The following SLC35F4 variants were observed in gnomAD, a reference collection of about 807,000 sequenced individuals.
SLC35F4 encodes chromosome 14 open reading frame 36.
SLC35F4 carries 24 observed loss-of-function variants against 44.2 expected under a neutral mutation model. That is an observed-to-expected ratio of 0.54 (90% CI 0.39 to 0.76). SLC35F4 has a LOEUF of 0.76. Ranked by LOEUF, SLC35F4 falls within the 30% of genes least tolerant of loss-of-function variation. The probability of loss-of-function intolerance (pLI) is 0.00; values close to 1 mark genes in which losing one functional copy is unlikely to be tolerated. For synonymous variants in SLC35F4, 238 were observed against 223.6 expected (o/e 1.06, Z -0.57); for missense variants, 562 against 586.1 (o/e 0.96, Z 0.42).
At chr14:57,804,118 G>C (rs1419540093) in intron 1 of SLC35F4, among the ~76,000 whole-genome samples, 1 of 152,148 alleles carries the variant, frequency 6.6e-6, no homozygotes, top group African/African-American at 2.4e-5. Flanking sequence ...AGAAATCAGA[G>C]AGGACACAAA....
rs543412941 is a variant in SLC35F4 at position 57,664,192 on chromosome 14, A to G, written c.104-70068T>C. 3.9e-5 allele frequency among the ~76,000 whole-genome samples: 6 copies of G among 152,306 alleles called. No individual in the cohort carries two copies. In the South Asian group the frequency reaches 1.2e-3, roughly 32 times the overall value. Reference sequence around the variant, plus strand: ...CCAGAGACAGATGTGCAGAGAACACACATCTAGGTCAGTCTGATGTTCAGC... The same window carrying G: ...CCAGAGACAGATGTGCAGAGAACACGCATCTAGGTCAGTCTGATGTTCAGC... On this transcript the variant is annotated intron_variant, in intron 1 of 7. Transcript: ENST00000556826.
intron 1 of SLC35F4, among the ~76,000 whole-genome samples, chr14:57,831,234 C>T (rs144432907): frequency 6.6e-6 from 1 of 152,172 alleles, no homozygotes; most frequent in South Asian, 2.1e-4. Context: ...ATATCTTTCT[C>T]TCCCTGCCAT....
At chr14:57,908,892 T>C (rs1047448333) in intron 1 of SLC35F4, among the ~76,000 whole-genome samples, 3 of 152,216 alleles carry the variant, frequency 2.0e-5, no homozygotes, top group African/African-American at 7.2e-5. Context: ...GCCTGGATTT[T>C]CTTCTAGGAT....
At chr14:57,889,574 A>T (rs1341203251) in intron 1 of SLC35F4, among the ~76,000 whole-genome samples, 4 of 152,238 alleles carry the variant, frequency 2.6e-5, no homozygotes, top group Non-Finnish European at 5.9e-5. Flanking sequence ...CCTTAGGTTT[A>T]TCCAGTGTAG....
intron 1 of SLC35F4, among the ~76,000 whole-genome samples, chr14:57,732,393 G>GA (rs200302602): frequency 0.013 from 2,030 of 152,156 alleles, 25 homozygotes; most frequent in South Asian, 0.058. Context: ...ATGCAAACTA[G>GA]AAAAAAATGC....
chr14:57,774,909 A>T (rs942268064), intron 1 of SLC35F4, among the ~76,000 whole-genome samples: 3 of 151,996 alleles, frequency 2.0e-5, no homozygotes, highest in African/African-American at 7.3e-5. Flanking sequence ...ACGACAAGCC[A>T]CTGCTGCCAG....
chr14:57,584,426 G>C (rs1324024527), intron 3 of SLC35F4, among the ~76,000 whole-genome samples: 1 of 152,182 alleles, frequency 6.6e-6, no homozygotes, highest in African/African-American at 2.4e-5. Flanking sequence ...TCAGTCATGA[G>C]AGCTTCGGGA....
At chr14:57,958,957 T>TCC (rs1366587922) in intron 1 of SLC35F4, among the ~76,000 whole-genome samples, 3 of 152,096 alleles carry the variant, frequency 2.0e-5, no homozygotes, top group African/African-American at 7.2e-5. Flanking sequence ...TGGTGCCAGT[T>TCC]TTAGAACATT....
At chr14:57,972,927 G>A (rs1213669362), downstream of SLC35F4, among the ~76,000 whole-genome samples, 1 of 152,232 alleles carries the variant, frequency 6.6e-6, no homozygotes, top group East Asian at 1.9e-4. Context: ...AAGGCTCACT[G>A]TGAGTTCCTT....
intron 1 of SLC35F4, among the ~76,000 whole-genome samples, chr14:57,620,784 C>A (rs1323048693): frequency 3.9e-5 from 6 of 152,156 alleles, no homozygotes; most frequent in Non-Finnish European, 2.9e-5. Flanking sequence ...TCTCACCACT[C>A]CTATTCAACA....
At chr14:57,887,023 C>T (rs1044563171) in intron 1 of SLC35F4, among the ~76,000 whole-genome samples, 3 of 152,152 alleles carry the variant, frequency 2.0e-5, no homozygotes, top group African/African-American at 7.2e-5. Context: ...TTATACTTTC[C>T]CTCCACTTCC....
chr14:57,589,204 C>T lies in SLC35F4; in HGVS notation c.587+12G>A. ...CAATGATCTCTTATTGGGCAGTTAA[C>T]ATGAAACCTACCTGAATTTTTTCAT... On this transcript the variant is annotated intron_variant, in intron 3 of 7. Coordinates refer to ENST00000556826, the MANE Select transcript of SLC35F4 (RefSeq NM_001306087.2). 1 of 1,593,642 alleles carries T rather than the reference C, an allele frequency of 6.3e-7. No individual in the cohort carries two copies. Among genetic ancestry groups the T allele is most frequent in the East Asian group, 2.2e-5 (1 of 44,690 alleles).
intron 1 of SLC35F4, among the ~76,000 whole-genome samples, chr14:57,934,467 T>C (rs1483356161): frequency 6.6e-6 from 1 of 151,740 alleles, no homozygotes; most frequent in Non-Finnish European, 1.5e-5. Flanking sequence ...AGTCAGCCCA[T>C]AGTCAGTAAA....
chr14:57,641,002 T>C (rs1240718292), intron 1 of SLC35F4, among the ~76,000 whole-genome samples: 1 of 151,966 alleles, frequency 6.6e-6, no homozygotes, highest in East Asian at 1.9e-4. Context: ...ATATAATGGT[T>C]TTCTGGTCTT....
intron 1 of SLC35F4, among the ~76,000 whole-genome samples, chr14:57,713,522 A>G (rs1256852591): frequency 6.6e-6 from 1 of 152,168 alleles, no homozygotes; most frequent in African/African-American, 2.4e-5. Context: ...TTCTCTCTAC[A>G]GAGAAATTTT....
At chr14:57,739,909 G>C (rs1013820505) in intron 1 of SLC35F4, among the ~76,000 whole-genome samples, 10 of 152,204 alleles carry the variant, frequency 6.6e-5, no homozygotes, top group Non-Finnish European at 1.5e-5. Flanking sequence ...GCCCAGGCTG[G>C]AGTGCAGTAG....
At chr14:57,573,093 CAT>C (rs1390374723) in intron 4 of SLC35F4, among the ~76,000 whole-genome samples, 1 of 139,522 alleles carries the variant, frequency 7.2e-6, no homozygotes, top group Non-Finnish European at 1.6e-5. Flanking sequence ...AGCTTTTTAA[CAT>C]ATGTGATTTT....
At chr14:57,652,518 T>C (rs62003995) in intron 1 of SLC35F4, among the ~76,000 whole-genome samples, 9,578 of 152,204 alleles carry the variant, frequency 0.063, 445 homozygotes, top group South Asian at 0.095. Flanking sequence ...AGACACTGAG[T>C]CATGTTCAGA....
At chr14:57,570,093 T>C (rs2068421495) in intron 5 of SLC35F4, 113 bp from the exon 6 acceptor site, 1 of 994,272 alleles carries the variant, frequency 1.0e-6, no homozygotes, top group Non-Finnish European at 1.4e-6. Flanking sequence ...CTCCATTTCT[T>C]CTTGCCCTGA....
Sources: gnomAD v4.1 joint callset for allele counts (sites outside exome capture counted in the v4.1 genomes callset) on GRCh38, gnomAD v4.1.1 for gene constraint, MANE v1.5 for transcripts, NCBI Gene and HGNC (gene_info 2026-07-23, HGNC 2026-07-21) for gene names.